Variants in STXBP5L observed in about 807,000 individuals in gnomAD.
STXBP5L encodes syntaxin-binding protein 5-like.
A neutral mutation model predicts 144.5 loss-of-function variants in STXBP5L; 65 were observed. That is an observed-to-expected ratio of 0.45 (90% CI 0.37 to 0.55). The LOEUF (loss-of-function observed/expected upper bound fraction) is 0.55, where lower values mean the gene tolerates loss of function less well. Ranked by LOEUF, STXBP5L falls within the 20% of genes least tolerant of loss-of-function variation. The probability of loss-of-function intolerance (pLI) is 0.00; values close to 1 mark genes in which losing one functional copy is unlikely to be tolerated. For synonymous variants in STXBP5L, 505 were observed against 469.6 expected (o/e 1.08, Z -0.97); for missense variants, 1,298 against 1,405.5 (o/e 0.92, Z 1.22).
Position 121,404,292 on chromosome 3 carries a change from C to T in STXBP5L, c.2588-2951C>T, listed in dbSNP as rs370921725. Among the ~76,000 whole-genome samples, 8 of 152,180 alleles carry T rather than the reference C, an allele frequency of 5.3e-5. No individual in the cohort carries two copies. The East Asian group carries it at 1.2e-3, about 22-fold the overall frequency. On this transcript the variant is annotated intron_variant, in intron 22 of 26. Transcript: ENST00000471454. ...TGTTAACAAATCCTGCTGGCACAAC[C>T]TTTACAATACACTCAGATTCTGACA...
intron 9 of STXBP5L, among the ~76,000 whole-genome samples, chr3:121,189,060 C>T (rs1451035360): frequency 1.3e-5 from 2 of 152,098 alleles, no homozygotes; most frequent in Non-Finnish European, 2.9e-5. Context: ...CTTAGAAAAC[C>T]CCATTGTCTT....
At chr3:121,352,271 G>T (rs1371691428) in intron 20 of STXBP5L, among the ~76,000 whole-genome samples, 1 of 152,004 alleles carries the variant, frequency 6.6e-6, no homozygotes, top group African/African-American at 2.4e-5. Context: ...AAATTACCTT[G>T]GGCAGTATGG....
chr3:121,333,803 A>T (rs1185745260), intron 20 of STXBP5L, among the ~76,000 whole-genome samples: 1 of 152,128 alleles, frequency 6.6e-6, no homozygotes, highest in East Asian at 1.9e-4. Context: ...GGACACAGAC[A>T]CCCTCCCAAG....
chr3:120,975,056 G>C (rs559022934), intron 3 of STXBP5L, among the ~76,000 whole-genome samples: 1 of 152,284 alleles, frequency 6.6e-6, no homozygotes, highest in East Asian at 1.9e-4. Context: ...GAACTTTAAA[G>C]TAGTTTTTTC....
At chr3:121,276,944 T>C (rs2108433465) in intron 18 of STXBP5L, among the ~76,000 whole-genome samples, 1 of 152,162 alleles carries the variant, frequency 6.6e-6, no homozygotes, top group South Asian at 2.1e-4. Context: ...TGTTTTCTTT[T>C]GTTCTTCCTT....
At chr3:120,978,418 G>A (rs143175993) in intron 3 of STXBP5L, among the ~76,000 whole-genome samples, 1 of 152,080 alleles carries the variant, frequency 6.6e-6, no homozygotes. Flanking sequence ...GCACTTCTCT[G>A]TATTGGTTAT....
intron 23 of STXBP5L, among the ~76,000 whole-genome samples, chr3:121,408,537 G>A (rs1454871216): frequency 6.6e-6 from 1 of 151,914 alleles, no homozygotes; most frequent in Non-Finnish European, 1.5e-5. Flanking sequence ...CACAAACTAA[G>A]TTCCCAGAGT....
chr3:121,367,805 T>TTTTTTTTTTTG (rs60757644), intron 20 of STXBP5L, among the ~76,000 whole-genome samples: 2 of 135,170 alleles, frequency 1.5e-5, no homozygotes, highest in Admixed American at 7.5e-5. Flanking sequence ...TTTTTTTTTT[T>TTTTTTTTTTTG]GTAGAGACCA....
chr3:121,031,835 C>T (rs1946391267), intron 3 of STXBP5L, among the ~76,000 whole-genome samples: 1 of 152,010 alleles, frequency 6.6e-6, no homozygotes, highest in Non-Finnish European at 1.5e-5. Flanking sequence ...TCAAGAGATG[C>T]TTCAAAGTAG....
chr3:121,398,821 A>G (rs1013241990), intron 22 of STXBP5L, among the ~76,000 whole-genome samples: 3 of 152,044 alleles, frequency 2.0e-5, no homozygotes, highest in African/African-American at 7.2e-5. Flanking sequence ...AAATGTAGCT[A>G]TAATATTTCC....
In STXBP5L at chr3:121,034,733, A is replaced by C. The variant is rs970446123; in HGVS notation, c.288-6967A>C. Among the ~76,000 whole-genome samples the C allele has an allele frequency of 2.0e-5, 3 of 152,158 alleles. 1 individual carries two copies. ...TAATGATTTCTTCTCCTTTGGGTAGATACCTAATATTGGGATTGCTGGATT... is the reference window on the plus strand; with the variant it reads ...TAATGATTTCTTCTCCTTTGGGTAGCTACCTAATATTGGGATTGCTGGATT... On this transcript the variant is annotated intron_variant, in intron 3 of 26. Transcript: ENST00000471454.
chr3:121,288,689 A>AT (rs576597311), intron 19 of STXBP5L, among the ~76,000 whole-genome samples: 46 of 151,800 alleles, frequency 3.0e-4, no homozygotes, highest in Admixed American at 1.7e-3. Context: ...TAATAAAATC[A>AT]TTTTTTTTGT....
intron 3 of STXBP5L, among the ~76,000 whole-genome samples, chr3:120,994,816 C>G (rs965143339): frequency 1.3e-5 from 2 of 151,940 alleles, no homozygotes; most frequent in Non-Finnish European, 2.9e-5. Flanking sequence ...GGGGAATTTA[C>G]TCTTCAATTT....
At chr3:121,307,206 C>G (rs1422844218) in intron 19 of STXBP5L, among the ~76,000 whole-genome samples, 3 of 151,906 alleles carry the variant, frequency 2.0e-5, no homozygotes, top group Non-Finnish European at 4.4e-5. Context: ...TCGTCAGTAC[C>G]CAGAAGTGAT....
intron 5 of STXBP5L, among the ~76,000 whole-genome samples, chr3:121,058,528 C>G (rs1005619985): frequency 1.3e-5 from 2 of 152,172 alleles, no homozygotes; most frequent in Non-Finnish European, 2.9e-5. Flanking sequence ...ATTTCTGATT[C>G]TAGATCCTTG....
At chr3:121,074,910 T>G (rs1345872379) in intron 5 of STXBP5L, among the ~76,000 whole-genome samples, 1 of 152,214 alleles carries the variant, frequency 6.6e-6, no homozygotes, top group African/African-American at 2.4e-5. Flanking sequence ...AAGTAAGGCC[T>G]CTGTTACTCC....
intron 9 of STXBP5L, among the ~76,000 whole-genome samples, chr3:121,186,672 G>T (rs543162378): frequency 2.0e-5 from 3 of 152,294 alleles, no homozygotes; most frequent in Non-Finnish European, 4.4e-5. Flanking sequence ...TAAGCTTTTT[G>T]ATGTGCTGCT....
intron 18 of STXBP5L, among the ~76,000 whole-genome samples, chr3:121,272,797 A>T (rs193265591): frequency 3.3e-5 from 5 of 152,216 alleles, no homozygotes; most frequent in African/African-American, 4.8e-5. Flanking sequence ...CTGTTTTACA[A>T]CTACGATGAG....
chr3:121,305,093 C>G (rs1194608157), intron 19 of STXBP5L, among the ~76,000 whole-genome samples: 3 of 151,944 alleles, frequency 2.0e-5, no homozygotes. Flanking sequence ...CCTTGAAAGA[C>G]AAAACTCACC....
Sources: allele counts gnomAD v4.1 joint callset (sites outside exome capture counted in the v4.1 genomes callset), GRCh38; gene constraint gnomAD v4.1.1; transcripts MANE v1.5; gene names NCBI Gene and HGNC (gene_info 2026-07-23, HGNC 2026-07-21).